The following UBXN8 variants were observed in gnomAD, a reference collection of about 807,000 sequenced individuals.
UBXN8 encodes UBX domain protein 8, also known as UBX domain-containing protein 8.
UBXN8 carries 27 observed loss-of-function variants against 32.1 expected under a neutral mutation model. The ratio of observed to expected loss-of-function variants is 0.84; its 90% confidence interval spans 0.62 to 1.16. UBXN8 has a LOEUF of 1.16. Among genes scored for constraint, UBXN8 ranks in the 50% most tolerant of loss-of-function variants. The probability of loss-of-function intolerance (pLI) is 0.00; values close to 1 mark genes in which losing one functional copy is unlikely to be tolerated. For missense variants in UBXN8, 306 were observed against 311.4 expected (o/e 0.98, Z 0.13); for synonymous variants, 109 against 111.8 (o/e 0.98, Z 0.16).
upstream of UBXN8, among the ~76,000 whole-genome samples, chr8:30,730,458 C>T (rs899337709): frequency 3.9e-5 from 6 of 152,114 alleles, no homozygotes; most frequent in African/African-American, 1.2e-4. Context: ...AGATGAAAGG[C>T]GGAGAGTGCT....
chr8:30,735,887 T>C (rs1044621109), intron 1 of UBXN8, among the ~76,000 whole-genome samples: 1 of 152,192 alleles, frequency 6.6e-6, no homozygotes, highest in African/African-American at 2.4e-5. Context: ...GACTAATTCA[T>C]ATTACAACTC....
In UBXN8 at chr8:30,763,364, A is replaced by G; in HGVS notation, c.645+17A>G. On this transcript the variant is annotated intron_variant, in intron 7 of 7. Transcript: ENST00000265616. ...AGCTCACAGGTAAGTGAAGGAATTC[A>G]CATTTTGAGAAATATCTTTGTTGAA... The G allele has an allele frequency of 6.2e-7, 1 of 1,610,568 alleles. No individual in the cohort carries two copies. Among genetic ancestry groups the G allele is most frequent in the Non-Finnish European group, 8.5e-7 (1 of 1,176,734 alleles).
rs936374678 is a variant in UBXN8 at position 30,732,748 on chromosome 8, CGA to C, written c.64_65del (p.Arg22AlafsTer7). The C allele has an allele frequency of 2.0e-5, 3 of 152,628 alleles. No individual in the cohort carries two copies. Among genetic ancestry groups the C allele is most frequent in the Non-Finnish European group, 4.4e-5 (3 of 68,330 alleles). The allele number at this position is 152,628 out of a possible 1,614,324, so 9.5% of individuals were successfully genotyped here. On this transcript the variant is annotated frameshift_variant, in exon 1 of 2. Coordinates refer to the UBXN8 transcript ENST00000522968. LOFTEE classifies it high-confidence loss of function. ...TTAACCCAAACTGTGGGGCCCTGGC[CGA>C]GGCCGGTGGCCTACCTCTCTAAACA...
chr8:30,743,964 A>G (rs1805279619), upstream of UBXN8, among the ~76,000 whole-genome samples: 1 of 152,192 alleles, frequency 6.6e-6, no homozygotes, highest in Non-Finnish European at 1.5e-5. Context: ...TCCTCTGGAC[A>G]TCATGTGACT....
chr8:30,762,514 T>G (rs1445168823), intron 6 of UBXN8, among the ~76,000 whole-genome samples: 1 of 152,188 alleles, frequency 6.6e-6, no homozygotes, highest in Admixed American at 6.6e-5. Flanking sequence ...TGCCTCAGCC[T>G]CCTGAGTAGC....
intron 5 of UBXN8, among the ~76,000 whole-genome samples, chr8:30,758,881 GTTTGTTTTT>G (rs1250647186): frequency 6.3e-4 from 77 of 123,170 alleles, no homozygotes; most frequent in African/African-American, 1.9e-3. Context: ...TGTTTTTTTT[GTTTGTTTTT>G]TTTGTTTTTT....
rs887715073 is a variant in UBXN8, at chr8:30,763,389, A to G, written c.645+42A>G. 3 of 1,579,612 alleles carry G rather than the reference A, an allele frequency of 1.9e-6. No individual in the cohort carries two copies. The Admixed American group carries it at 5.0e-5, about 26-fold the overall frequency. ...ACATTTTGAGAAATATCTTTGTTGAATATGGCAGTAGTTTATTCACATGCC... is the reference window on the plus strand; with the variant it reads ...ACATTTTGAGAAATATCTTTGTTGAGTATGGCAGTAGTTTATTCACATGCC... On this transcript the variant is annotated intron_variant, in intron 7 of 7. Coordinates refer to ENST00000265616, the MANE Select transcript of UBXN8 (RefSeq NM_005671.4).
chr8:30,744,419 C>G (rs1279004739), intron 1 of UBXN8, 142 bp downstream of exon 1: 2 of 770,316 alleles, frequency 2.6e-6, no homozygotes. Flanking sequence ...TGCCCCCCCA[C>G]TTCCGGAGCT....
At chr8:30,731,263 A>G (rs1563552713), upstream of UBXN8, among the ~76,000 whole-genome samples, 1 of 152,164 alleles carries the variant, frequency 6.6e-6, no homozygotes, top group Non-Finnish European at 1.5e-5. Context: ...TCAGGATGAC[A>G]GTTGGGGGTA....
chr8:30,742,735 G>A (rs769145504), upstream of UBXN8, among the ~76,000 whole-genome samples: 1 of 152,258 alleles, frequency 6.6e-6, no homozygotes, highest in African/African-American at 2.4e-5. Flanking sequence ...TCCTTGCCCA[G>A]ATTCCTAACC....
chr8:30,766,095 A>G, intron 7 of UBXN8, 132 bp from the exon 8 acceptor site: 1 of 814,824 alleles, frequency 1.2e-6, no homozygotes, highest in Non-Finnish European at 1.7e-6. Flanking sequence ...TTTGAAAGGT[A>G]TGAAACTTCT....
chr8:30,729,203 A>T (rs115184028), upstream of UBXN8, among the ~76,000 whole-genome samples: 9,289 of 152,288 alleles, frequency 0.061, 787 homozygotes, highest in African/African-American at 0.19. Context: ...AGCGACGCGG[A>T]TCCTGCGAGC....
chr8:30,760,472 C>A (rs1411261429), intron 5 of UBXN8, among the ~76,000 whole-genome samples: 1 of 110,546 alleles, frequency 9.0e-6, no homozygotes, highest in Non-Finnish European at 1.7e-5. Context: ...GTGACAGGGT[C>A]TTGCTTTGTT....
chr8:30,738,384 T>C (rs1476955691), intron 1 of UBXN8, among the ~76,000 whole-genome samples: 1 of 150,788 alleles, frequency 6.6e-6, no homozygotes, highest in African/African-American at 2.4e-5. Flanking sequence ...ATAAAGGCCG[T>C]GTGCGGTGGC....
chr8:30,733,944 G>C (rs770004917), intron 1 of UBXN8: 1 of 152,224 alleles, frequency 6.6e-6, no homozygotes, highest in Non-Finnish European at 1.5e-5. Flanking sequence ...GATAGAGATG[G>C]AGACACAAAA....
upstream of UBXN8, among the ~76,000 whole-genome samples, chr8:30,731,557 C>T (rs994030195): frequency 2.0e-5 from 3 of 152,126 alleles, no homozygotes; most frequent in Admixed American, 6.5e-5. Flanking sequence ...TAAAGTTACC[C>T]GGAACGGGAG....
At chr8:30,761,718 A>G (rs572456160) in intron 6 of UBXN8, among the ~76,000 whole-genome samples, 1 of 151,620 alleles carries the variant, frequency 6.6e-6, no homozygotes, top group East Asian at 1.9e-4. Flanking sequence ...ACAAAAAGGA[A>G]AAAAAAAAGG....
chr8:30,754,956 G>GT (rs34741520), intron 4 of UBXN8, among the ~76,000 whole-genome samples, 169 bp downstream of exon 4: 29,036 of 129,570 alleles, frequency 0.22, 3,799 homozygotes, highest in African/African-American at 0.36. Flanking sequence ...GGGGTTGGTC[G>GT]TTTTTTTTTT....
upstream of UBXN8, among the ~76,000 whole-genome samples, chr8:30,730,158 G>A (rs1303587634): frequency 6.6e-6 from 1 of 152,170 alleles, no homozygotes; most frequent in African/African-American, 2.4e-5. Context: ...AGGAGGTGAA[G>A]CCTCAGGAGA....
Sources: gnomAD v4.1 joint callset for allele counts (sites outside exome capture counted in the v4.1 genomes callset) on GRCh38, gnomAD v4.1.1 for gene constraint, MANE v1.5 for transcripts, NCBI Gene and HGNC (gene_info 2026-07-23, HGNC 2026-07-21) for gene names.